NKAIN3: variants seen among roughly 807,000 people sequenced by gnomAD.
NKAIN3 encodes sodium/potassium transporting ATPase interacting 3, also known as sodium/potassium-transporting ATPase subunit beta-1-interacting protein 3.
A neutral mutation model predicts 30.2 loss-of-function variants in NKAIN3; 25 were observed. The ratio of observed to expected loss-of-function variants is 0.83; its 90% CI spans 0.60 to 1.16. The LOEUF (loss-of-function observed/expected upper bound fraction) is 1.16. Among genes scored for constraint, NKAIN3 ranks in the 50% most tolerant of loss-of-function variants. The pLI is 0.00. For missense variants in NKAIN3, 225 were observed against 254.1 expected (o/e 0.89, Z 0.78); for synonymous variants, 91 against 89.6 (o/e 1.02, Z -0.09).
intron 4 of NKAIN3, among the ~76,000 whole-genome samples, chr8:62,885,429 G>A (rs1263918641): frequency 6.6e-6 from 1 of 152,194 alleles, no homozygotes; most frequent in African/African-American, 2.4e-5. Context: ...AATGTTCCAT[G>A]TGAGCTTGAG....
intron 1 of NKAIN3, among the ~76,000 whole-genome samples, chr8:62,407,335 G>A (rs565948800): frequency 2.0e-5 from 3 of 149,852 alleles, no homozygotes; most frequent in Non-Finnish European, 4.4e-5. Context: ...TTAGGATCAT[G>A]GTATATAGAG....
At chr8:62,949,220 T>C (rs1823210989) in intron 5 of NKAIN3, among the ~76,000 whole-genome samples, 2 of 152,190 alleles carry the variant, frequency 1.3e-5, no homozygotes, top group Admixed American at 6.5e-5. Flanking sequence ...TTGCCTTGAG[T>C]TCCCCTTTGA....
intron 1 of NKAIN3, among the ~76,000 whole-genome samples, chr8:62,280,711 C>T (rs543648002): frequency 6.6e-6 from 1 of 152,262 alleles, no homozygotes; most frequent in Non-Finnish European, 1.5e-5. Flanking sequence ...ACCCTTGCAT[C>T]CCAGGGATAA....
intron 1 of NKAIN3, among the ~76,000 whole-genome samples, chr8:62,408,892 A>T (rs2129595722): frequency 6.6e-6 from 1 of 152,316 alleles, no homozygotes; most frequent in Admixed American, 6.5e-5. Flanking sequence ...CACTTAGACA[A>T]ATCTAATTGT....
intron 3 of NKAIN3, among the ~76,000 whole-genome samples, chr8:62,739,711 A>G (rs1365025314): frequency 6.6e-6 from 1 of 152,212 alleles, no homozygotes; most frequent in Admixed American, 6.5e-5. Flanking sequence ...CAAAATGAAA[A>G]TAAAAGGCTC....
chr8:62,283,176 A>G (rs1813258971), intron 1 of NKAIN3, among the ~76,000 whole-genome samples: 1 of 152,240 alleles, frequency 6.6e-6, no homozygotes, highest in South Asian at 2.1e-4. Context: ...CTTTCTAATC[A>G]GAAACGAGTC....
chr8:62,885,340 G>A (rs1354514512), intron 4 of NKAIN3, among the ~76,000 whole-genome samples: 2 of 152,178 alleles, frequency 1.3e-5, no homozygotes, highest in Non-Finnish European at 2.9e-5. Context: ...TGTGGTCTGA[G>A]AGCAGACATT....
At position 62,925,312 on chromosome 8, in the gene NKAIN3, G is replaced by A. The variant is rs534864459; in HGVS notation, c.532+6799G>A. Among the ~76,000 whole-genome samples, 16 of 152,128 alleles carry A rather than the reference G, an allele frequency of 1.1e-4. No homozygotes were observed. In the South Asian group the frequency reaches 1.9e-3, roughly 18 times the overall value. The stretch of plus-strand genomic sequence containing the variant: ...TAGTGGAGAAAATGCTTGTCTTTAC[G>A]TTATCTCTCATATCTCTTTCCTCAC... On this transcript the variant is annotated intron_variant, in intron 5 of 6. Coordinates refer to ENST00000623646, the MANE Select transcript of NKAIN3 (RefSeq NM_001304533.3).
chr8:62,370,781 GT>G (rs1816883746), intron 1 of NKAIN3, among the ~76,000 whole-genome samples: 1 of 151,942 alleles, frequency 6.6e-6, no homozygotes, highest in African/African-American at 2.4e-5. Flanking sequence ...AGAATGTGGT[GT>G]TAGAAAATCA....
intron 1 of NKAIN3, among the ~76,000 whole-genome samples, chr8:62,479,045 C>T (rs563484595): frequency 6.6e-6 from 1 of 152,262 alleles, no homozygotes; most frequent in East Asian, 1.9e-4. Flanking sequence ...ACTGTTTCTG[C>T]TTCTCACTGT....
At chr8:62,363,556 T>A (rs1164901719) in intron 1 of NKAIN3, among the ~76,000 whole-genome samples, 1 of 152,196 alleles carries the variant, frequency 6.6e-6, no homozygotes, top group Admixed American at 6.5e-5. Flanking sequence ...TCATCAGCTC[T>A]CTGACAACAT....
At chr8:62,555,777 A>C (rs1406663493) in intron 1 of NKAIN3, among the ~76,000 whole-genome samples, 2 of 152,054 alleles carry the variant, frequency 1.3e-5, no homozygotes, top group Non-Finnish European at 2.9e-5. Flanking sequence ...ACACAAAGAG[A>C]TATTGTAGTC....
chr8:62,574,819 A>G (rs537689406), intron 1 of NKAIN3, among the ~76,000 whole-genome samples: 1 of 152,166 alleles, frequency 6.6e-6, no homozygotes, highest in Non-Finnish European at 1.5e-5. Context: ...ACCTTTTTAT[A>G]TACCCGTTGG....
chr8:62,594,270 A>G (rs957316848), intron 3 of NKAIN3, among the ~76,000 whole-genome samples: 3 of 152,046 alleles, frequency 2.0e-5, no homozygotes, highest in African/African-American at 7.2e-5. Flanking sequence ...TTGGTGAGCT[A>G]ACATAATCCT....
chr8:62,460,861 C>T (rs1000016979), intron 1 of NKAIN3, among the ~76,000 whole-genome samples: 2 of 152,140 alleles, frequency 1.3e-5, no homozygotes, highest in Admixed American at 1.3e-4. Flanking sequence ...TTGTGTCTGC[C>T]TAGATGGATG....
chr8:62,763,623 T>G (rs926921957), intron 4 of NKAIN3, among the ~76,000 whole-genome samples: 1 of 152,198 alleles, frequency 6.6e-6, no homozygotes, highest in African/African-American at 2.4e-5. Context: ...CACAAAGCTT[T>G]TAATTAATGA....
At chr8:62,729,894 C>T (rs1290942721) in intron 3 of NKAIN3, among the ~76,000 whole-genome samples, 1 of 152,156 alleles carries the variant, frequency 6.6e-6, no homozygotes, top group Non-Finnish European at 1.5e-5. Flanking sequence ...TGTGACAAAG[C>T]AAGGATAAAT....
In NKAIN3 at chr8:62,360,029, A is replaced by G. The variant is rs549992256; in HGVS notation, c.54+110902A>G. Among the ~76,000 whole-genome samples, 22 of 152,316 alleles carry G rather than the reference A, an allele frequency of 1.4e-4. 1 individual carries two copies. The highest frequency in any genetic ancestry group is 6.8e-3 in the Middle Eastern group (2 of 294). ...TGACCTACTCAGGGCTGTCCACATCAGAAAACTGGAGCATAAGACAGTCTC... is the reference window on the plus strand; with the variant it reads ...TGACCTACTCAGGGCTGTCCACATCGGAAAACTGGAGCATAAGACAGTCTC... On this transcript the variant is annotated intron_variant, in intron 1 of 6. Transcript: ENST00000623646.
At chr8:62,473,477 A>T (rs2129600144) in intron 1 of NKAIN3, 1 of 152,342 alleles carries the variant, frequency 6.6e-6, no homozygotes, top group Middle Eastern at 3.4e-3. Context: ...TGAAGCAAAA[A>T]GCCCTATAAA....
Sources: allele counts gnomAD v4.1 joint callset (sites outside exome capture counted in the v4.1 genomes callset), GRCh38; gene constraint gnomAD v4.1.1; transcripts MANE v1.5; gene names NCBI Gene and HGNC (gene_info 2026-07-23, HGNC 2026-07-21).